The following JAK2 variants were observed in gnomAD, a reference collection of about 807,000 sequenced individuals.
JAK2 encodes the protein tyrosine-protein kinase JAK2.
In JAK2, 86 loss-of-function variants were observed where a neutral mutation model predicts 139.3. That is an observed-to-expected ratio of 0.62 (90% CI 0.52 to 0.74). The LOEUF (loss-of-function observed/expected upper bound fraction) is 0.74, where lower values mean the gene tolerates loss of function less well. Among genes scored for constraint, JAK2 ranks in the 30% least tolerant of loss-of-function variants. The probability of loss-of-function intolerance (pLI) is 0.00; values close to 1 mark genes in which losing one functional copy is unlikely to be tolerated. For synonymous variants in JAK2, 490 were observed against 437.7 expected (o/e 1.12, Z -1.49); for missense variants, 1,421 against 1,360.3 (o/e 1.04, Z -0.70).
intron 2 of JAK2, among the ~76,000 whole-genome samples, chr9:5,017,231 A>G (rs1822125454): frequency 6.6e-6 from 1 of 152,200 alleles, no homozygotes; most frequent in South Asian, 2.1e-4. Flanking sequence ...ACTACAACTT[A>G]AAAACCCACA....
chr9:5,042,286 C>T (rs559136520), intron 4 of JAK2, among the ~76,000 whole-genome samples: 6 of 151,644 alleles, frequency 4.0e-5, no homozygotes, highest in Admixed American at 2.0e-4. Flanking sequence ...TACAGGCGCC[C>T]GCCACCGCGC....
At chr9:5,061,349 T>C (rs1818158068) in intron 8 of JAK2, among the ~76,000 whole-genome samples, 1 of 152,246 alleles carries the variant, frequency 6.6e-6, no homozygotes, top group African/African-American at 2.4e-5. Flanking sequence ...AGAAGGCTGT[T>C]TTGTTTACAT....
At chr9:5,080,799 T>A (rs1664180218) in intron 18 of JAK2, 116 bp downstream of exon 18, 1 of 671,936 alleles carries the variant, frequency 1.5e-6, no homozygotes, top group African/African-American at 1.9e-5. Context: ...TTGGGCCCTC[T>A]TAATTTCTTA....
At chr9:5,024,890 A>G (rs1822679537) in intron 3 of JAK2, among the ~76,000 whole-genome samples, 1 of 152,232 alleles carries the variant, frequency 6.6e-6, no homozygotes, top group African/African-American at 2.4e-5. Context: ...CTCCAGAGCC[A>G]GGGACCAGAG....
chr9:5,024,082 T>A (rs1822616852), intron 3 of JAK2, among the ~76,000 whole-genome samples: 1 of 151,958 alleles, frequency 6.6e-6, no homozygotes, highest in African/African-American at 2.4e-5. Flanking sequence ...TGGTGAAACC[T>A]CATCTCTGCT....
chr9:5,103,680 C>T (rs895367026), intron 22 of JAK2, among the ~76,000 whole-genome samples: 2 of 152,130 alleles, frequency 1.3e-5, no homozygotes, highest in Non-Finnish European at 2.9e-5. Context: ...AAGCACTTCT[C>T]ACCAAACGTA....
At chr9:5,094,114 C>A (rs533971826) in intron 22 of JAK2, 1 of 152,266 alleles carries the variant, frequency 6.6e-6, no homozygotes, top group Admixed American at 6.5e-5. Context: ...CTATAATTAA[C>A]CTTTTCCTAC....
intron 2 of JAK2, among the ~76,000 whole-genome samples, chr9:4,988,942 C>A (rs1820106322): frequency 6.6e-6 from 1 of 152,084 alleles, no homozygotes; most frequent in Non-Finnish European, 1.5e-5. Flanking sequence ...CTCTGCTTTC[C>A]CTCCTTTACT....
At chr9:5,057,196 T>C (rs1199728477) in intron 8 of JAK2, among the ~76,000 whole-genome samples, 2 of 151,840 alleles carry the variant, frequency 1.3e-5, no homozygotes, top group Non-Finnish European at 2.9e-5. Flanking sequence ...ATTCATGATA[T>C]GTTATGCTTT....
At chr9:5,002,597 G>A (rs1198033604) in intron 2 of JAK2, among the ~76,000 whole-genome samples, 2 of 152,062 alleles carry the variant, frequency 1.3e-5, no homozygotes, top group East Asian at 3.9e-4. Context: ...AAGGATGTAT[G>A]TTCTGCAGTT....
rs368268136 is a variant in JAK2, at chr9:5,051,322, C to T, written c.614+491C>T. ...GGGAAGTTCAGAGGAACAGAAGAAA[C>T]ACCTGGAGGCATACTTTTTGATAGA... is the stretch of plus-strand genomic sequence containing the variant. On this transcript the variant is annotated intron_variant, in intron 6 of 24. Coordinates refer to ENST00000381652, the MANE Select transcript of JAK2 (RefSeq NM_004972.4). Among the ~76,000 whole-genome samples, 160 of 152,234 alleles carry T rather than the reference C, an allele frequency of 1.1e-3. 2 individuals are homozygous for T. The South Asian group carries it at 0.031, about 29-fold the overall frequency.
At chr9:5,009,396 A>G (rs189976834) in intron 2 of JAK2, among the ~76,000 whole-genome samples, 1 of 152,280 alleles carries the variant, frequency 6.6e-6, no homozygotes, top group Admixed American at 6.5e-5. Context: ...CAGCACAGGA[A>G]CACTATGAAA....
At chr9:5,007,859 C>G (rs527530530) in intron 2 of JAK2, among the ~76,000 whole-genome samples, 98 of 152,110 alleles carry the variant, frequency 6.4e-4, no homozygotes, top group Non-Finnish European at 1.1e-3. Context: ...TCCCAAGTAG[C>G]TGGGATTACA....
rs1423362345 is a variant in JAK2, at chr9:5,044,529, A to G, written c.468+9A>G. 2.8e-6 allele frequency: 4 copies of G among 1,450,146 alleles called. No individual in the cohort carries two copies. The highest frequency in any genetic ancestry group is 3.8e-5 in the Admixed American group (2 of 52,146). The allele number at this position is 1,450,146 out of a possible 1,614,324, so 89.8% of individuals were successfully genotyped here. A position where few individuals can be genotyped will look rare whatever the true frequency, so the allele number is the denominator to read the frequency against. ...CTTACCTCTTTGCTCAGGTATGATT[A>G]TATTATCTTACTTGTACATGAGTTA... On this transcript the variant is annotated intron_variant, in intron 5 of 24. Transcript: ENST00000381652.
At chr9:4,993,977 T>C (rs1820414171) in intron 2 of JAK2, among the ~76,000 whole-genome samples, 1 of 152,206 alleles carries the variant, frequency 6.6e-6, no homozygotes, top group African/African-American at 2.4e-5. Context: ...TGCCTTGCAG[T>C]GGGTGATGTC....
chr9:5,009,299 A>G (rs1008444234), intron 2 of JAK2, among the ~76,000 whole-genome samples: 1 of 152,196 alleles, frequency 6.6e-6, no homozygotes, highest in African/African-American at 2.4e-5. Flanking sequence ...ATACTGCTTC[A>G]TGATAAAGAA....
intron 22 of JAK2, chr9:5,111,335 C>A: frequency 2.3e-6 from 1 of 430,508 alleles, no homozygotes; most frequent in Admixed American, 3.2e-5. Flanking sequence ...CCCCCTCAGG[C>A]ATGAAGGGGA....
chr9:5,050,900 CTG>C, intron 6 of JAK2, 69 bp downstream of exon 6: 1 of 1,347,822 alleles, frequency 7.4e-7, no homozygotes, highest in East Asian at 2.3e-5. Context: ...TATATATTTT[CTG>C]TGTTTACCCA....
chr9:5,033,403 C>A (rs964498585), intron 4 of JAK2, among the ~76,000 whole-genome samples: 5 of 152,272 alleles, frequency 3.3e-5, no homozygotes, highest in African/African-American at 7.2e-5. Flanking sequence ...CACAAAGATA[C>A]TCCTTGAGAA....
Sources: gnomAD v4.1 joint callset for allele counts (sites outside exome capture counted in the v4.1 genomes callset) on GRCh38, gnomAD v4.1.1 for gene constraint, MANE v1.5 for transcripts, NCBI Gene and HGNC (gene_info 2026-07-23, HGNC 2026-07-21) for gene names.